The following RALYL variants were observed in gnomAD, a reference collection of about 807,000 sequenced individuals.
The protein encoded by RALYL is RNA-binding Raly-like protein.
Under a neutral mutation model 35.1 loss-of-function variants are expected in RALYL, and 29 were observed. The observed-to-expected ratio is 0.83, with a 90% confidence interval of 0.61 to 1.13. The LOEUF (loss-of-function observed/expected upper bound fraction) is 1.13. RALYL is among the 50% of genes most tolerant of loss of function. RALYL has a pLI of 0.00. For synonymous variants in RALYL, 120 were observed against 127.6 expected, an observed-to-expected ratio of 0.94 and a Z score of 0.40; for missense variants, 359 against 360.4, an observed-to-expected ratio of 1.00 and a Z score of 0.03.
intron 1 of RALYL, chr8:84,185,162 A>G: frequency 1.2e-6 from 1 of 801,598 alleles, no homozygotes; most frequent in Non-Finnish European, 2.1e-6. Flanking sequence ...ATAGTTTCTT[A>G]TAAGATGATC....
intron 1 of RALYL, among the ~76,000 whole-genome samples, chr8:84,196,404 A>C (rs7822580): frequency 0.12 from 18,555 of 152,246 alleles, 1,399 homozygotes; most frequent in East Asian, 0.25. Context: ...ATGTAACTGT[A>C]AATTTTCTAA....
chr8:84,238,977 G>A (rs866652398), intron 1 of RALYL, among the ~76,000 whole-genome samples: 5 of 152,282 alleles, frequency 3.3e-5, no homozygotes, highest in Middle Eastern at 3.4e-3. Flanking sequence ...GGACCATGGG[G>A]CTTTACCTAG....
intron 1 of RALYL, among the ~76,000 whole-genome samples, chr8:84,346,879 T>A (rs534081035): frequency 5.7e-4 from 87 of 152,208 alleles, no homozygotes; most frequent in Middle Eastern, 6.8e-3. Flanking sequence ...AAATAAGGAA[T>A]TGATATTTAT....
At chr8:84,390,593 T>G (rs753412986) in intron 1 of RALYL, among the ~76,000 whole-genome samples, 113 of 152,118 alleles carry the variant, frequency 7.4e-4, no homozygotes, top group Non-Finnish European at 1.1e-3. Flanking sequence ...GTCGAGGAAT[T>G]TATCCATTTC....
At chr8:84,511,331 T>C (rs190598359) in intron 1 of RALYL, among the ~76,000 whole-genome samples, 2 of 152,214 alleles carry the variant, frequency 1.3e-5, no homozygotes, top group Non-Finnish European at 1.5e-5. Context: ...ATAATAGGTA[T>C]AGAATTAAGT....
At chr8:84,889,360 T>C (rs1194729937) in intron 8 of RALYL, among the ~76,000 whole-genome samples, 1 of 152,134 alleles carries the variant, frequency 6.6e-6, no homozygotes, top group East Asian at 1.9e-4. Context: ...TTTACAATGG[T>C]TACTTCTCTG....
chr8:84,223,164 TCCTC>T (rs1554578583), intron 1 of RALYL, among the ~76,000 whole-genome samples: 9 of 108,168 alleles, frequency 8.3e-5, no homozygotes, highest in East Asian at 2.8e-4. Flanking sequence ...TTTCTTTCCT[TCCTC>T]CCTTCCCTTC....
chr8:84,412,444 A>G (rs1424717719), intron 1 of RALYL, among the ~76,000 whole-genome samples: 1 of 151,928 alleles, frequency 6.6e-6, no homozygotes, highest in East Asian at 1.9e-4. Context: ...TGGATTATAG[A>G]TTGTCCCTTA....
At chr8:84,315,503 G>A (rs575560837) in intron 1 of RALYL, among the ~76,000 whole-genome samples, 1 of 152,094 alleles carries the variant, frequency 6.6e-6, no homozygotes, top group Non-Finnish European at 1.5e-5. Context: ...GGAATTGCAG[G>A]TCTAGGGGAG....
At chr8:84,748,256 G>A (rs1326704274) in intron 2 of RALYL, among the ~76,000 whole-genome samples, 2 of 151,976 alleles carry the variant, frequency 1.3e-5, no homozygotes, top group Admixed American at 1.3e-4. Context: ...GGAATGGTAG[G>A]TCTGTAGTGG....
At chr8:84,357,197 C>G (rs182499677) in intron 1 of RALYL, among the ~76,000 whole-genome samples, 43 of 152,122 alleles carry the variant, frequency 2.8e-4, no homozygotes, top group Admixed American at 5.9e-4. Flanking sequence ...TCTTAGACCT[C>G]GCTAACAAAT....
At chr8:84,691,353 A>C (rs1838013874) in intron 2 of RALYL, among the ~76,000 whole-genome samples, 1 of 152,032 alleles carries the variant, frequency 6.6e-6, no homozygotes, top group South Asian at 2.1e-4. Flanking sequence ...AATCTAGGGC[A>C]CTCTGGCCAT....
intron 1 of RALYL, among the ~76,000 whole-genome samples, chr8:84,362,405 G>C (rs1391369882): frequency 6.6e-6 from 1 of 152,070 alleles, no homozygotes; most frequent in Non-Finnish European, 1.5e-5. Context: ...CATCTGATGT[G>C]TCCCTCTAGA....
intron 1 of RALYL, among the ~76,000 whole-genome samples, chr8:84,241,278 GTC>G (rs1289110280): frequency 1.3e-5 from 2 of 152,012 alleles, no homozygotes; most frequent in African/African-American, 4.8e-5. Flanking sequence ...TCTCTATATA[GTC>G]TCTGCTTCCT....
intron 2 of RALYL, among the ~76,000 whole-genome samples, chr8:84,577,061 T>C (rs1250412162): frequency 6.6e-6 from 1 of 152,210 alleles, no homozygotes; most frequent in Non-Finnish European, 1.5e-5. Flanking sequence ...CCAGAAGTGA[T>C]ACCAACCACT....
chr8:84,805,556 C>T (rs1300769865), intron 4 of RALYL, among the ~76,000 whole-genome samples: 1 of 152,012 alleles, frequency 6.6e-6, no homozygotes, highest in Non-Finnish European at 1.5e-5. Context: ...TGGTGGCACA[C>T]ACCTGTAATC....
intron 3 of RALYL, among the ~76,000 whole-genome samples, chr8:84,799,828 C>A (rs147447508): frequency 0.037 from 5,577 of 152,156 alleles, 310 homozygotes; most frequent in African/African-American, 0.13. Flanking sequence ...TGGTGGCAGG[C>A]ACCTGTAGTC....
intron 4 of RALYL, among the ~76,000 whole-genome samples, chr8:84,845,137 A>G (rs942012197): frequency 6.6e-6 from 1 of 152,194 alleles, no homozygotes. Flanking sequence ...TAAAAAAAAT[A>G]AAAAATTTAG....
At chr8:84,671,091 G>A (rs776766715) in intron 2 of RALYL, among the ~76,000 whole-genome samples, 3 of 152,258 alleles carry the variant, frequency 2.0e-5, no homozygotes, top group South Asian at 2.1e-4. Context: ...TGGCCAAAAC[G>A]AAGGGTCTAT....
Sources: allele counts gnomAD v4.1 joint callset (sites outside exome capture counted in the v4.1 genomes callset), GRCh38; gene constraint gnomAD v4.1.1; transcripts MANE v1.5; gene names NCBI Gene and HGNC (gene_info 2026-07-23, HGNC 2026-07-21).